The following LRP4 variants were observed in gnomAD, a reference collection of about 807,000 sequenced individuals.
LRP4 encodes LDL receptor related protein 4.
A neutral mutation model predicts 220.3 loss-of-function variants in LRP4; 95 were observed. The observed-to-expected ratio is 0.43, with a 90% CI of 0.37 to 0.51. LRP4 has a LOEUF of 0.51. LRP4 is among the 20% of genes least tolerant of loss of function. The pLI is 0.00. For missense variants in LRP4, 1,925 were observed against 2,567.0 expected, an observed-to-expected ratio of 0.75 and a Z score of 5.40; for synonymous variants, 903 against 954.6, an observed-to-expected ratio of 0.95 and a Z score of 1.00.
At chr11:46,906,829 T>C (rs1023737399) in intron 1 of LRP4, among the ~76,000 whole-genome samples, 2 of 152,016 alleles carry the variant, frequency 1.3e-5, no homozygotes, top group African/African-American at 4.8e-5. Flanking sequence ...GGCATCAAGT[T>C]AGTTGCAGGC....
chr11:46,905,039 G>T (rs1480253388), intron 1 of LRP4, among the ~76,000 whole-genome samples: 1 of 148,248 alleles, frequency 6.7e-6, no homozygotes, highest in Non-Finnish European at 1.5e-5. Flanking sequence ...GTGAGGTCCA[G>T]TTGGGAGGTG....
Position 46,918,513 on chromosome 11 carries a change from G to C in LRP4, c.-134C>G. The C allele has an allele frequency of 2.0e-6, 1 of 497,536 alleles. No homozygotes were observed. The highest frequency in any genetic ancestry group is 2.8e-6 in the Non-Finnish European group (1 of 356,896). 30.8% of individuals were successfully genotyped at this position (497,536 alleles called of 1,614,324 possible). On this transcript the variant is annotated 5_prime_UTR_variant, in exon 1 of 38. Transcript: ENST00000378623. The surrounding 1 kb of genome is among the most constrained non-coding windows in gnomAD (Gnocchi z 6.0). ...CCTGCGCGCCCCGCAAGTCGCCCTC[G>C]GGCCGCCGCCGCCTCCAGTGCTGCC...
chr11:46,903,990 G>A (rs1941715984), intron 1 of LRP4, among the ~76,000 whole-genome samples: 1 of 152,194 alleles, frequency 6.6e-6, no homozygotes. Context: ...TGCCCAGCAG[G>A]ATGCCCTGGG....
chr11:46,860,399 G>A (rs1940514549), intron 37 of LRP4, among the ~76,000 whole-genome samples: 1 of 152,098 alleles, frequency 6.6e-6, no homozygotes, highest in Non-Finnish European at 1.5e-5. Context: ...AGCAAAACCT[G>A]GGACTCTTCC....
In LRP4 at chr11:46,877,191, A is replaced by G; in HGVS notation, c.3277+8T>C. ...GAAGGCCAGGTGGGAAGAGAGGGCC[A>G]TACAGACCTTCCTGGGGGTCTACTC... is the stretch of plus-strand genomic sequence containing the variant. On this transcript the variant is annotated splice_region_variant and intron_variant, in intron 23 of 37. Coordinates refer to ENST00000378623, the MANE Select transcript of LRP4 (RefSeq NM_002334.4). The G allele has an allele frequency of 1.2e-6, 2 of 1,613,788 alleles. No individual in the cohort carries two copies. The highest frequency in any genetic ancestry group is 2.2e-5 in the East Asian group (1 of 44,870).
In LRP4 at chr11:46,868,033, G is replaced by C; in HGVS notation, c.5033C>G (p.Thr1678Ser). The C allele has an allele frequency of 2.5e-6, 4 of 1,614,162 alleles. No homozygotes were observed. The South Asian group carries it at 4.4e-5, about 18-fold the overall frequency. Residue 1678 changes from threonine (T) to serine (S), a missense_variant, in exon 34 of 38, where the codon ACC becomes AGC. Transcript: ENST00000378623. Reference protein sequence around the residue: ...SPVLPNTPPTTLYSSTTRTRT... With the variant: ...SPVLPNTPPTSLYSSTTRTRT... Reference sequence around the variant, plus strand: ...GGTCCGGGTGGTTGAAGAATACAAGGTGGTAGGTGGTGTGTTGGGTAGCAC... The same window carrying C: ...GGTCCGGGTGGTTGAAGAATACAAGCTGGTAGGTGGTGTGTTGGGTAGCAC...
chr11:46,899,462 C>T lies in LRP4; in HGVS notation c.472G>A (p.Gly158Arg), dbSNP rs193247849. ...TACCAATGCTCAGCAATGCAGCTTC[C>T]GTCACTACAGCGGAACTCCTTGTCG... ...CSDKEFRCSD[G>R]SCIAEHWYCD... Residue 158 changes from glycine (G) to arginine (R), a missense_variant, in exon 5 of 38, where the codon GGA becomes AGA. Coordinates refer to ENST00000378623, the MANE Select transcript of LRP4 (RefSeq NM_002334.4). This position sits in a 1 kb window ranked among gnomAD's most constrained non-coding sequence, Gnocchi z 5.9. The T allele has an allele frequency of 3.3e-5, 54 of 1,614,090 alleles. No individual in the cohort carries two copies. The highest frequency in any genetic ancestry group is 2.8e-4 in the African/African-American group (21 of 75,058).
intron 31 of LRP4, 118 bp downstream of exon 31, chr11:46,871,407 A>C: frequency 1.2e-6 from 1 of 801,370 alleles, no homozygotes; most frequent in South Asian, 1.5e-5. Context: ...AAAAATCCCT[A>C]AAATGAGCTG....
intron 20 of LRP4, 37 bp downstream of exon 20, chr11:46,881,665 A>C: frequency 1.3e-6 from 2 of 1,594,446 alleles, no homozygotes; most frequent in East Asian, 2.2e-5. Flanking sequence ...AAGATGTTTT[A>C]GTGCCACCCT....
chr11:46,908,181 C>T lies in LRP4; in HGVS notation c.53-5252G>A, dbSNP rs139396069. 4.3e-4 allele frequency among the ~76,000 whole-genome samples: 65 copies of T among 152,262 alleles called. 1 individual carries two copies. The East Asian group carries it at 0.012, about 29-fold the overall frequency. Reference sequence around the variant, plus strand: ...TCCTGACCTCATGATCCGCCCACCTCGGCCTCCCAAAGTGCTGGGATTACA... The same window carrying T: ...TCCTGACCTCATGATCCGCCCACCTTGGCCTCCCAAAGTGCTGGGATTACA... On this transcript the variant is annotated intron_variant, in intron 1 of 37. Coordinates refer to ENST00000378623, the MANE Select transcript of LRP4 (RefSeq NM_002334.4).
At chr11:46,895,792 C>A in intron 10 of LRP4, 92 bp downstream of exon 10, 7 of 1,556,318 alleles carry the variant, frequency 4.5e-6, no homozygotes, top group Non-Finnish European at 6.1e-6. Context: ...GAGGTCACAC[C>A]GTTCAAATGC....
intron 19 of LRP4, among the ~76,000 whole-genome samples, chr11:46,882,309 C>T (rs1941180208): frequency 6.6e-6 from 1 of 151,252 alleles, no homozygotes; most frequent in South Asian, 2.1e-4. Flanking sequence ...TAGTAGGATC[C>T]CATCTCTACC....
At chr11:46,859,960 C>T (rs555203341) in intron 37 of LRP4, among the ~76,000 whole-genome samples, 1 of 152,158 alleles carries the variant, frequency 6.6e-6, no homozygotes, top group South Asian at 2.1e-4. Context: ...TCTGGCCGGG[C>T]GTGGTGGCTT....
rs562888447 is a variant in LRP4 at position 46,898,835 on chromosome 11, T to G, written c.676+69A>C. 323 of 1,610,968 alleles carry G rather than the reference T, an allele frequency of 2.0e-4. 1 individual carries two copies. In the African/African-American group the frequency reaches 2.5e-3, roughly 12 times the overall value. ...CTGAACTCCTGCCCCAGCTGGCGAC[T>G]GTGCCTTGCCACCCAAGCAGTTCTT... is the stretch of plus-strand genomic sequence containing the variant. On this transcript the variant is annotated intron_variant, in intron 6 of 37. Coordinates refer to ENST00000378623, the MANE Select transcript of LRP4 (RefSeq NM_002334.4).
At chr11:46,877,935 T>C (rs929942391) in intron 22 of LRP4, among the ~76,000 whole-genome samples, 2 of 152,084 alleles carry the variant, frequency 1.3e-5, no homozygotes, top group African/African-American at 2.4e-5. Flanking sequence ...TGAAGGACCC[T>C]TTACCATGAA....
At position 46,871,599 on chromosome 11, in the gene LRP4, C is replaced by A; in HGVS notation, c.4618G>T (p.Glu1540Ter). ...YWVDAHLDRI[E>*]SADLNGKLRQ... ...AGTTTCCCATTGAGGTCAGCACTCT[C>A]GATCCGGTCCAGATGCGCATCCACC... Residue 1540 changes from glutamate to a stop codon, truncating the protein, a stop_gained, in exon 31 of 38, where the codon GAG (glutamate) becomes TAG (stop). Transcript: ENST00000378623. LOFTEE classifies it high-confidence loss of function. The A allele has an allele frequency of 6.2e-7, 1 of 1,612,796 alleles. No homozygotes were observed. Among genetic ancestry groups the A allele is most frequent in the South Asian group, 1.1e-5 (1 of 90,670 alleles).
intron 34 of LRP4, among the ~76,000 whole-genome samples, chr11:46,865,557 T>C (rs1940673413): frequency 6.6e-6 from 1 of 152,156 alleles, no homozygotes; most frequent in African/African-American, 2.4e-5. Flanking sequence ...TGGATAAAAA[T>C]TATCACAAGA....
At position 46,874,900 on chromosome 11, in the gene LRP4, C is replaced by T; in HGVS notation, c.4129G>A (p.Val1377Met). The change falls in exon 28 of 38, where the codon GTG (valine) becomes ATG (methionine). Residue 1377 changes from valine (V) to methionine (M), a missense_variant. Physicochemically the swap from Val to Met is conservative, Grantham distance 21 (BLOSUM62 1). Transcript: ENST00000378623. ...TTGAGCTCAGGAACAGGGACATGCA[C>T]ATCGGTGTGGTCACTGGTGTCCAGT... is the stretch of plus-strand genomic sequence containing the variant. ...ISLDTSDHTDVHVPVPELNNV... is the reference protein window; with the variant it reads ...ISLDTSDHTDMHVPVPELNNV... 6.2e-7 allele frequency: 1 copy of T among 1,614,204 alleles called. No individual in the cohort carries two copies. The highest frequency in any genetic ancestry group is 8.5e-7 in the Non-Finnish European group (1 of 1,180,036).
intron 22 of LRP4, 106 bp downstream of exon 22, chr11:46,878,801 G>A (rs1941079466): frequency 6.6e-7 from 1 of 1,512,626 alleles, no homozygotes; most frequent in Middle Eastern, 2.3e-4. Flanking sequence ...GAAGCAGCAG[G>A]ACTCATGGTT....
Sources: allele counts gnomAD v4.1 joint callset (sites outside exome capture counted in the v4.1 genomes callset), GRCh38; gene constraint gnomAD v4.1.1; non-coding constraint Gnocchi (gnomAD v3.1); transcripts MANE v1.5; gene names NCBI Gene and HGNC (gene_info 2026-07-23, HGNC 2026-07-21).